The following WDCP variants were observed in gnomAD, a reference collection of about 807,000 sequenced individuals.
WDCP encodes WD repeat and coiled-coil-containing protein.
WDCP carries 19 observed loss-of-function variants against 41.6 expected under a neutral mutation model. That is an observed-to-expected ratio of 0.46 (90% CI 0.32 to 0.67). WDCP has a LOEUF of 0.67. Among genes scored for constraint, WDCP ranks in the 30% least tolerant of loss-of-function variants. The pLI, the probability that WDCP is intolerant of heterozygous loss-of-function variation, is 0.04. For missense variants in WDCP, 802 were observed against 850.7 expected (o/e 0.94, Z 0.71); for synonymous variants, 302 against 320.8 (o/e 0.94, Z 0.63).
In WDCP at chr2:24,038,915, AC is replaced by A. The variant is rs769377257; in HGVS notation, c.579del (p.Arg193SerfsTer27). 6 of 1,614,200 alleles carry A rather than the reference AC, an allele frequency of 3.7e-6. No homozygotes were observed. Among genetic ancestry groups the A allele is most frequent in the Non-Finnish European group, 4.2e-6 (5 of 1,180,016 alleles). On this transcript the variant is annotated frameshift_variant, in exon 2 of 4. Coordinates refer to ENST00000295148, the MANE Select transcript of WDCP (RefSeq NM_025203.3). LOFTEE classifies it high-confidence loss of function. ...ACATCAAACACCAGGCAGGAGGAGC[AC>A]CTGTGAAGAGTCTTCTGAGCGCTGT... ...IWDSAQKTLH[R>X]CSSCLVFDVD...
In WDCP at chr2:24,032,969, G is replaced by A. The variant is rs768030592; in HGVS notation, c.1819-23C>T. On this transcript the variant is annotated intron_variant, in intron 2 of 3. Transcript: ENST00000295148. ...TTTCTGCAAATAAAAAATAAAAGTTGTTAAACTGATTGCAGAAGTAATCGA... is the reference window on the plus strand; with the variant it reads ...TTTCTGCAAATAAAAAATAAAAGTTATTAAACTGATTGCAGAAGTAATCGA... The A allele has an allele frequency of 1.0e-5, 14 of 1,393,138 alleles. No homozygotes were observed. In the East Asian group the frequency reaches 3.2e-4, roughly 32 times the overall value. The allele number at this position is 1,393,138 out of a possible 1,614,324, so 86.3% of individuals were successfully genotyped here.
At chr2:24,041,075 A>G (rs892553631) in intron 1 of WDCP, among the ~76,000 whole-genome samples, 8 of 152,090 alleles carry the variant, frequency 5.3e-5, no homozygotes, top group Non-Finnish European at 1.2e-4. Context: ...ACGGTGGCTC[A>G]TGCTTGTAAT....
Position 24,037,996 on chromosome 2 carries a change from T to G in WDCP, c.1499A>C (p.Gln500Pro). 6.2e-7 allele frequency: 1 copy of G among 1,614,200 alleles called. No individual in the cohort carries two copies. The highest frequency in any genetic ancestry group is 2.2e-5 in the East Asian group (1 of 44,886). Residue 500 changes from glutamine to proline, a missense_variant, in exon 2 of 4, where the codon CAG becomes CCG. Physicochemically the swap from Gln to Pro is moderately conservative, Grantham distance 76. Transcript: ENST00000295148. The stretch of plus-strand genomic sequence containing the variant: ...ATCACAGATACTAGACAGAGGACTC[T>G]GGATTTCTTTAATAAGTGTTCTTCC... ...RPGRTLIKEI[Q>P]SPLSSICDGS...
Position 24,031,195 on chromosome 2 carries a change from G to C in WDCP, c.1937-33C>G, listed in dbSNP as rs199839915. On this transcript the variant is annotated intron_variant, in intron 3 of 3. Coordinates refer to ENST00000295148, the MANE Select transcript of WDCP (RefSeq NM_025203.3). ...TAAAAATAAATACACAGGCAATTTA[G>C]TATATATTATTCTTATGATGAAACA... The C allele has an allele frequency of 1.6e-4, 240 of 1,500,616 alleles. No individual in the cohort carries two copies. In the African/African-American group the frequency reaches 3.0e-3, roughly 19 times the overall value. The allele number at this position is 1,500,616 out of a possible 1,614,324, so 93.0% of individuals were successfully genotyped here.
chr2:24,040,415 G>A (rs1003437944), intron 1 of WDCP, among the ~76,000 whole-genome samples: 8 of 152,104 alleles, frequency 5.3e-5, no homozygotes, highest in Middle Eastern at 3.4e-3. Flanking sequence ...ATTTCTATTC[G>A]TCCTTTCACT....
intron 1 of WDCP, chr2:24,045,945 T>C (rs574980816): frequency 6.6e-6 from 1 of 151,342 alleles, no homozygotes; most frequent in East Asian, 1.9e-4. Context: ...AAAAGGAAAA[T>C]AAAAAATAAT....
At chr2:24,043,453 G>T (rs756233771) in intron 1 of WDCP, among the ~76,000 whole-genome samples, 2 of 152,050 alleles carry the variant, frequency 1.3e-5, no homozygotes, top group African/African-American at 2.4e-5. Flanking sequence ...CGAGACCAGA[G>T]ATCAGCCTGG....
chr2:24,041,160 G>A (rs975937389), intron 1 of WDCP, among the ~76,000 whole-genome samples: 9 of 151,690 alleles, frequency 5.9e-5, no homozygotes, highest in Non-Finnish European at 1.3e-4. Context: ...CCAACATGGT[G>A]TAACCCTGTT....
rs866386521 is a variant in WDCP at position 24,031,022 on chromosome 2, C to A, written c.2077G>T (p.Ala693Ser). 32 of 1,614,226 alleles carry A rather than the reference C, an allele frequency of 2.0e-5. No individual in the cohort carries two copies. The Middle Eastern group carries it at 2.6e-3, about 133-fold the overall frequency. Residue 693 changes from alanine to serine, a missense_variant, in exon 4 of 4, where the codon GCT becomes TCT. By Grantham distance (99) the Ala-to-Ser change is moderately conservative (BLOSUM62 1). This residue lies in a region of WDCP where 321 missense variants were observed against 305.1 expected (regional missense o/e 1.05). Coordinates refer to ENST00000295148, the MANE Select transcript of WDCP (RefSeq NM_025203.3). ...FRDSFSHSPG[A>S]VSSLKVFTGL... Reference sequence around the variant, plus strand: ...GTAAAGACTTTAAGAGAAGAAACAGCACCTGGACTGTGAGAAAAAGAGTCT... The same window carrying A: ...GTAAAGACTTTAAGAGAAGAAACAGAACCTGGACTGTGAGAAAAAGAGTCT...
chr2:24,032,806 G>C, intron 3 of WDCP, 23 bp downstream of exon 3: 1 of 1,379,442 alleles, frequency 7.2e-7, no homozygotes, highest in Non-Finnish European at 1.0e-6. Context: ...GTTAGCTAGG[G>C]TCAATTTCTG....
intron 2 of WDCP, among the ~76,000 whole-genome samples, chr2:24,034,148 T>G (rs1414457461): frequency 6.6e-6 from 1 of 152,196 alleles, no homozygotes; most frequent in Non-Finnish European, 1.5e-5. Flanking sequence ...GGGCCGGGTG[T>G]GGTGGCTCAC....
chr2:24,039,948 C>T (rs1663374883), intron 1 of WDCP, among the ~76,000 whole-genome samples: 2 of 152,056 alleles, frequency 1.3e-5, no homozygotes, highest in Non-Finnish European at 2.9e-5. Flanking sequence ...CAGGTGCCTG[C>T]CACCAGGCCC....
chr2:24,033,394 T>G (rs1663155062), intron 2 of WDCP: 1 of 240,022 alleles, frequency 4.2e-6, no homozygotes, highest in Admixed American at 5.1e-5. Flanking sequence ...TGGTCAAAAT[T>G]CACATAGCTT....
In WDCP at chr2:24,046,988, C is replaced by T. The variant is rs552257640; in HGVS notation, c.-19+326G>A. Among the ~76,000 whole-genome samples, 5 of 152,312 alleles carry T rather than the reference C, an allele frequency of 3.3e-5. No individual in the cohort carries two copies. The East Asian group carries it at 9.6e-4, about 29-fold the overall frequency. On this transcript the variant is annotated intron_variant, in intron 1 of 3. Coordinates refer to ENST00000295148, the MANE Select transcript of WDCP (RefSeq NM_025203.3). ...CTGAACTGCTCCTAGCTGTACCCAACTTTATCCCGCTACCCGCTATAAATA... is the reference window on the plus strand; with the variant it reads ...CTGAACTGCTCCTAGCTGTACCCAATTTTATCCCGCTACCCGCTATAAATA...
At chr2:24,035,648 C>T (rs1663221459) in intron 2 of WDCP, among the ~76,000 whole-genome samples, 2 of 152,060 alleles carry the variant, frequency 1.3e-5, no homozygotes, top group South Asian at 2.1e-4. Flanking sequence ...GGTGCAGTGG[C>T]TCACACCTGT....
chr2:24,032,054 C>T (rs1663112464), intron 3 of WDCP, among the ~76,000 whole-genome samples: 1 of 152,118 alleles, frequency 6.6e-6, no homozygotes, highest in African/African-American at 2.4e-5. Flanking sequence ...TATACTAGGC[C>T]TGGGTATATA....
Position 24,029,901 on chromosome 2 carries a change from T to A in WDCP, c.*1032A>T, listed in dbSNP as rs1379581361. 1 of 152,622 alleles carries A rather than the reference T, an allele frequency of 6.6e-6. No homozygotes were observed. The highest frequency in any genetic ancestry group is 1.5e-5 in the Non-Finnish European group (1 of 68,046). The allele number at this position is 152,622 out of a possible 1,614,324, so 9.5% of individuals were successfully genotyped here. On this transcript the variant is annotated 3_prime_UTR_variant, in exon 4 of 4. Coordinates refer to ENST00000295148, the MANE Select transcript of WDCP (RefSeq NM_025203.3). Reference sequence around the variant, plus strand: ...ACCATCTGAAGTGGGTCAGGGCTCTTACCTGACTAAGCTGGTACTTTAGCC... The same window carrying A: ...ACCATCTGAAGTGGGTCAGGGCTCTAACCTGACTAAGCTGGTACTTTAGCC...
intron 1 of WDCP, among the ~76,000 whole-genome samples, chr2:24,045,452 T>C (rs1478869197): frequency 2.0e-5 from 3 of 151,528 alleles, no homozygotes; most frequent in Non-Finnish European, 4.4e-5. Flanking sequence ...AAATACAATA[T>C]TAGCTGGGCG....
At chr2:24,043,328 T>C (rs4270307) in intron 1 of WDCP, among the ~76,000 whole-genome samples, 26,229 of 151,878 alleles carry the variant, frequency 0.17, 3,150 homozygotes, top group African/African-American at 0.34. Context: ...AGAGTGAGAC[T>C]CGGTCTCAAA....
Sources: allele counts gnomAD v4.1 joint callset (sites outside exome capture counted in the v4.1 genomes callset), GRCh38; gene constraint gnomAD v4.1.1; regional missense constraint gnomAD v4.1.1; transcripts MANE v1.5; gene names NCBI Gene and HGNC (gene_info 2026-07-23, HGNC 2026-07-21).